The following ABLIM3 variants were observed in gnomAD, a reference collection of about 807,000 sequenced individuals.
ABLIM3 encodes actin-binding LIM protein 3.
A neutral mutation model predicts 109.5 loss-of-function variants in ABLIM3; 61 were observed. That is an observed-to-expected ratio of 0.56 (90% CI 0.45 to 0.69). The LOEUF is 0.69. Among genes scored for constraint, ABLIM3 ranks in the 30% least tolerant of loss-of-function variants. The pLI, the probability that ABLIM3 is intolerant of heterozygous loss-of-function variation, is 0.00. For missense variants in ABLIM3, 796 were observed against 889.5 expected, an observed-to-expected ratio of 0.89 and a Z score of 1.34; for synonymous variants, 300 against 324.8, an observed-to-expected ratio of 0.92 and a Z score of 0.82.
At chr5:149,173,308 G>T (rs1052187118) in intron 2 of ABLIM3, among the ~76,000 whole-genome samples, 2 of 152,196 alleles carry the variant, frequency 1.3e-5, no homozygotes, top group African/African-American at 4.8e-5. Context: ...ACACAAAAAG[G>T]GGCCTCCAGT....
intron 5 of ABLIM3, among the ~76,000 whole-genome samples, chr5:149,201,324 G>T (rs1340348290): frequency 6.6e-6 from 1 of 152,132 alleles, no homozygotes; most frequent in Non-Finnish European, 1.5e-5. Flanking sequence ...ACTCTCACTG[G>T]CCTCGACAAG....
chr5:149,233,119 A>T, intron 9 of ABLIM3, 110 bp from the exon 10 acceptor site: 1 of 930,382 alleles, frequency 1.1e-6, no homozygotes. Flanking sequence ...AAGTAGCCAG[A>T]GAGTACTTTA....
At chr5:149,166,593 GTTCTTTCCCACCT>G (rs550930870) in intron 2 of ABLIM3, among the ~76,000 whole-genome samples, 5 of 152,192 alleles carry the variant, frequency 3.3e-5, no homozygotes, top group Non-Finnish European at 7.3e-5. Flanking sequence ...ATGGAAGTAT[GTTCTTTCCCACCT>G]TTCTTCCTCA....
chr5:149,250,391 G>A, intron 19 of ABLIM3, 56 bp from the exon 20 acceptor site: 1 of 1,579,362 alleles, frequency 6.3e-7, no homozygotes, highest in Non-Finnish European at 8.7e-7. Flanking sequence ...ATGACCTCAG[G>A]GAGAGGGACT....
intron 15 of ABLIM3, chr5:149,243,917 T>A (rs1214309840): frequency 6.6e-6 from 1 of 152,238 alleles, no homozygotes; most frequent in Non-Finnish European, 1.5e-5. Context: ...AGGACCCAAG[T>A]CAAAGAGAAG....
At chr5:149,172,990 A>T (rs1326663621) in intron 2 of ABLIM3, among the ~76,000 whole-genome samples, 1 of 152,240 alleles carries the variant, frequency 6.6e-6, no homozygotes, top group Non-Finnish European at 1.5e-5. Context: ...CCAAGGAAGA[A>T]CCAGATGTTA....
At chr5:149,251,265 C>A in intron 20 of ABLIM3, 94 bp from the exon 21 acceptor site, 3 of 1,422,174 alleles carry the variant, frequency 2.1e-6, no homozygotes, top group Non-Finnish European at 3.0e-6. Flanking sequence ...CTATGTCCCA[C>A]AAGCGCCAGT....
chr5:149,148,719 G>A (rs545333978), intron 2 of ABLIM3, among the ~76,000 whole-genome samples: 25 of 152,330 alleles, frequency 1.6e-4, no homozygotes, highest in African/African-American at 5.1e-4. Context: ...TCCTGGCCTT[G>A]CTGACCAGCC....
At chr5:149,207,404 G>A (rs979200796) in intron 6 of ABLIM3, among the ~76,000 whole-genome samples, 24 of 151,918 alleles carry the variant, frequency 1.6e-4, no homozygotes, top group Non-Finnish European at 3.2e-4. Flanking sequence ...CTTCCCCTCC[G>A]GCCGTCTCTC....
intron 3 of ABLIM3, among the ~76,000 whole-genome samples, chr5:149,192,819 C>T (rs909026501): frequency 4.8e-5 from 7 of 144,848 alleles, no homozygotes; most frequent in African/African-American, 1.7e-4. Flanking sequence ...TAGTATTATT[C>T]CTAAAAAGAA....
intron 2 of ABLIM3, among the ~76,000 whole-genome samples, chr5:149,148,683 A>G (rs1753152578): frequency 6.6e-6 from 1 of 152,230 alleles, no homozygotes; most frequent in Non-Finnish European, 1.5e-5. Context: ...CTCCTCAGCA[A>G]GCCTGTAAGG....
At chr5:149,248,264 C>T (rs903406297) in intron 18 of ABLIM3, among the ~76,000 whole-genome samples, 2 of 152,186 alleles carry the variant, frequency 1.3e-5, no homozygotes, top group Non-Finnish European at 2.9e-5. Context: ...CTTCTGGGAG[C>T]TTCATTGAGG....
intron 8 of ABLIM3, chr5:149,217,503 AAC>A (rs1165908561): frequency 5.8e-6 from 1 of 172,610 alleles, no homozygotes; most frequent in East Asian, 1.6e-4. Flanking sequence ...GGACTCTCAG[AAC>A]ACACAGAGGA....
intron 6 of ABLIM3, among the ~76,000 whole-genome samples, chr5:149,208,474 G>A (rs1237860514): frequency 1.3e-5 from 2 of 151,294 alleles, no homozygotes; most frequent in Admixed American, 6.6e-5. Flanking sequence ...TCTTCATGGT[G>A]GATTAGTTCT....
chr5:149,204,922 C>A (rs1051226771), intron 5 of ABLIM3, among the ~76,000 whole-genome samples: 1 of 152,150 alleles, frequency 6.6e-6, no homozygotes, highest in Non-Finnish European at 1.5e-5. Context: ...CACTGAAAGT[C>A]GAAGAGATAG....
chr5:149,251,810 C>G lies in ABLIM3; in HGVS notation c.1849+391C>G, dbSNP rs55979342. Among the ~76,000 whole-genome samples, 222 of 152,332 alleles carry G rather than the reference C, an allele frequency of 1.5e-3. 1 individual carries two copies. The highest frequency in any genetic ancestry group is 5.0e-3 in the African/African-American group (206 of 41,574). On this transcript the variant is annotated intron_variant, in intron 21 of 23. Transcript: ENST00000309868. ...CTGCTCTCTGCCAGTGATGCTTTCA[C>G]ACCAAACTCGACCAGCTCCTATGAG...
chr5:149,242,628 G>A (rs1752968168), intron 15 of ABLIM3, 90 bp downstream of exon 15: 1 of 1,366,366 alleles, frequency 7.3e-7, no homozygotes, highest in Non-Finnish European at 1.0e-6. Flanking sequence ...GCCACCAGGA[G>A]CCACAAAACA....
chr5:149,170,269 TCC>T, intron 2 of ABLIM3, among the ~76,000 whole-genome samples: 3 of 149,982 alleles, frequency 2.0e-5, no homozygotes, highest in Admixed American at 6.6e-5. Flanking sequence ...TCTCTCCTTC[TCC>T]CTCTCTCTCT....
At chr5:149,176,220 C>T (rs376085511) in intron 2 of ABLIM3, among the ~76,000 whole-genome samples, 1 of 152,358 alleles carries the variant, frequency 6.6e-6, no homozygotes, top group East Asian at 1.9e-4. Flanking sequence ...CCAAAGCTGA[C>T]ATCCCTGGCC....
Sources: allele counts gnomAD v4.1 joint callset (sites outside exome capture counted in the v4.1 genomes callset), GRCh38; gene constraint gnomAD v4.1.1; transcripts MANE v1.5; gene names NCBI Gene and HGNC (gene_info 2026-07-23, HGNC 2026-07-21).